Variants in CTNND1 observed in about 807,000 individuals in gnomAD.
The protein encoded by CTNND1 is catenin delta-1.
In CTNND1, 16 loss-of-function variants were observed where a neutral mutation model predicts 112.1. That is an observed-to-expected ratio of 0.14 (90% confidence interval 0.10 to 0.22). CTNND1 has a LOEUF of 0.22. Among genes scored for constraint, CTNND1 ranks in the 10% least tolerant of loss-of-function variants. The probability of loss-of-function intolerance (pLI) is 1.00; values close to 1 mark genes in which losing one functional copy is unlikely to be tolerated. For synonymous variants in CTNND1, 420 were observed against 446.5 expected, an observed-to-expected ratio of 0.94 and a Z score of 0.75; for missense variants, 1,008 against 1,257.0, an observed-to-expected ratio of 0.80 and a Z score of 3.00.
chr11:57,815,809 A>G, intron 19 of CTNND1, 106 bp from the exon 20 acceptor site: 3 of 943,556 alleles, frequency 3.2e-6, no homozygotes, highest in African/African-American at 1.7e-5. Context: ...TTACTATTAT[A>G]TCTTGTTTTG....
At chr11:57,812,980 G>A (rs563632302) in intron 17 of CTNND1, among the ~76,000 whole-genome samples, 7 of 152,292 alleles carry the variant, frequency 4.6e-5, no homozygotes, top group Admixed American at 1.3e-4. Flanking sequence ...AGTGGAAATT[G>A]TAGTTTTGAA....
At chr11:57,794,138 C>A in intron 4 of CTNND1, 57 bp downstream of exon 4, 2 of 1,463,684 alleles carry the variant, frequency 1.4e-6, no homozygotes, top group South Asian at 1.1e-5. Flanking sequence ...ATTTCCCCAG[C>A]CTATAAGAGC....
chr11:57,783,475 CG>C (rs1565304783), intron 1 of CTNND1, among the ~76,000 whole-genome samples: 1 of 151,854 alleles, frequency 6.6e-6, no homozygotes, highest in East Asian at 1.9e-4. Flanking sequence ...CTGGCTAACA[CG>C]GTGAAACCCC....
intron 7 of CTNND1, among the ~76,000 whole-genome samples, chr11:57,802,464 A>T (rs2062100316): frequency 6.6e-6 from 1 of 152,166 alleles, no homozygotes; most frequent in South Asian, 2.1e-4. Context: ...TTAACAATGG[A>T]TCTCTTTTCT....
At chr11:57,785,906 G>A (rs2060081343) in intron 1 of CTNND1, among the ~76,000 whole-genome samples, 1 of 151,910 alleles carries the variant, frequency 6.6e-6, no homozygotes, top group Non-Finnish European at 1.5e-5. Flanking sequence ...TAGTTGTTTG[G>A]TCCTTCTGGG....
At chr11:57,791,811 G>C (rs1196128166) in intron 3 of CTNND1, 138 bp downstream of exon 3, 2 of 928,622 alleles carry the variant, frequency 2.2e-6, no homozygotes, top group East Asian at 3.2e-5. Flanking sequence ...TTTTCCAGGG[G>C]TGTTAAATGC....
chr11:57,784,990 A>G lies in CTNND1; in HGVS notation c.-213-4047A>G, dbSNP rs1455709848. Among the ~76,000 whole-genome samples, 3 of 152,312 alleles carry G rather than the reference A, an allele frequency of 2.0e-5. No homozygotes were observed. In the East Asian group the frequency reaches 5.8e-4, roughly 29 times the overall value. Reference sequence around the variant, plus strand: ...AACTAAACCATGAAGAGTAATAGAAATGGAAGCTTACAGGGGTTATAACTT... The same window carrying G: ...AACTAAACCATGAAGAGTAATAGAAGTGGAAGCTTACAGGGGTTATAACTT... On this transcript the variant is annotated intron_variant, in intron 1 of 20. Coordinates refer to ENST00000399050, the MANE Select transcript of CTNND1 (RefSeq NM_001085458.2).
chr11:57,801,771 A>G lies in CTNND1; in HGVS notation c.995A>G (p.Asp332Gly), dbSNP rs1457571438. The change falls in exon 7 of 21, where the codon GAT becomes GGT. Residue 332 changes from aspartate (D) to glycine (G), a missense_variant. Around this residue, in one of 5 missense-constraint regions of CTNND1, gnomAD observed 216 missense variants for 342.8 expected, o/e 0.63. Coordinates refer to ENST00000399050, the MANE Select transcript of CTNND1 (RefSeq NM_001085458.2). ...EDMIGEEVPS[D>G]QYYWAPLAQH... ...ATGATTGGTGAGGAGGTGCCATCGGATCAATACTACTGGGCTCCTTTGGCC... is the reference window on the plus strand; with the variant it reads ...ATGATTGGTGAGGAGGTGCCATCGGGTCAATACTACTGGGCTCCTTTGGCC... The G allele has an allele frequency of 1.9e-6, 3 of 1,613,772 alleles. No individual in the cohort carries two copies. The East Asian group carries it at 6.7e-5, about 36-fold the overall frequency.
intron 1 of CTNND1, among the ~76,000 whole-genome samples, chr11:57,775,020 G>GTT (rs776805174): frequency 2.2e-5 from 3 of 138,660 alleles, no homozygotes; most frequent in Non-Finnish European, 3.1e-5. Context: ...GCCTATGAGG[G>GTT]TTTTTTTTTT....
At position 57,809,377 on chromosome 11, in the gene CTNND1, C is replaced by A; in HGVS notation, c.2346C>A (p.Ile782=). The A allele has an allele frequency of 6.2e-7, 1 of 1,614,028 alleles. No homozygotes were observed. The highest frequency in any genetic ancestry group is 8.5e-7 in the Non-Finnish European group (1 of 1,179,886). ...CTGTCATCTCTATTTTGAACACTAT[C>A]AACGAGGTTATCGCTGAGAACTTGG... is the stretch of plus-strand genomic sequence containing the variant. The part of the protein sequence containing the change: ...EDTVISILNT[I]NEVIAENLEA... Residue 782 remains isoleucine (I), a synonymous_variant, in exon 15 of 21, where the codon ATC becomes ATA. Coordinates refer to ENST00000399050, the MANE Select transcript of CTNND1 (RefSeq NM_001085458.2).
At chr11:57,780,884 A>G (rs935696861) in intron 1 of CTNND1, among the ~76,000 whole-genome samples, 1 of 152,206 alleles carries the variant, frequency 6.6e-6, no homozygotes, top group African/African-American at 2.4e-5. Context: ...AATGATGGGC[A>G]AAGAGGTGGG....
rs11570176 is a variant in CTNND1, at chr11:57,761,957, A to G, written c.-376A>G. On this transcript the variant is annotated 5_prime_UTR_variant, in exon 1 of 21. Coordinates refer to ENST00000399050, the MANE Select transcript of CTNND1 (RefSeq NM_001085458.2). ...AGGAGGAAGAGGTGGCGAAAAATCAACTGCCCTGCTGGATTTGTCTTTCTC... is the reference window on the plus strand; with the variant it reads ...AGGAGGAAGAGGTGGCGAAAAATCAGCTGCCCTGCTGGATTTGTCTTTCTC... The G allele has an allele frequency of 0.41, 406,759 of 985,270 alleles. 86,053 individuals are homozygous for G. Among genetic ancestry groups the G allele is most frequent in the Middle Eastern group, 0.45 (855 of 1,912 alleles). 61.0% of individuals were successfully genotyped at this position (985,270 alleles called of 1,614,324 possible).
intron 1 of CTNND1, among the ~76,000 whole-genome samples, chr11:57,764,393 A>G (rs181678318): frequency 5.2e-4 from 79 of 152,310 alleles, no homozygotes; most frequent in African/African-American, 1.9e-3. Flanking sequence ...AGTAATTACA[A>G]TCCAGCCTTA....
chr11:57,775,422 C>T (rs1280602789), intron 1 of CTNND1, among the ~76,000 whole-genome samples: 1 of 151,508 alleles, frequency 6.6e-6, no homozygotes, highest in Non-Finnish European at 1.5e-5. Flanking sequence ...ACGAGAAGGT[C>T]GTTAATTTGA....
rs756027675 is a variant in CTNND1, at chr11:57,805,995, G to T, written c.1836G>T (p.Gly612=). ...CTCCCAATGTTGCCAACAATACTGG[G>T]CCACATGCTGCCAGTTGCTTTGGGG... ...EAAPNVANNT[G]PHAASCFGAK... is the part of the protein sequence containing the mutation. Residue 612 remains glycine (G), a synonymous_variant, in exon 10 of 21, where the codon GGG becomes GGT. Coordinates refer to ENST00000399050, the MANE Select transcript of CTNND1 (RefSeq NM_001085458.2). 2 of 1,611,824 alleles carry T rather than the reference G, an allele frequency of 1.2e-6. No homozygotes were observed.
At chr11:57,803,540 C>T (rs923053941) in intron 7 of CTNND1, 81 bp from the exon 8 acceptor site, 116 of 1,110,044 alleles carry the variant, frequency 1.0e-4, no homozygotes, top group Non-Finnish European at 1.3e-4. Context: ...AGAAGTGATA[C>T]GATAGGGGGA....
intron 4 of CTNND1, among the ~76,000 whole-genome samples, chr11:57,795,150 T>C (rs1296106459): frequency 1.3e-5 from 2 of 152,224 alleles, no homozygotes; most frequent in Non-Finnish European, 2.9e-5. Flanking sequence ...GCTATGATCA[T>C]GCCACTGCAC....
At position 57,761,982 on chromosome 11, in the gene CTNND1, C is replaced by G; in HGVS notation, c.-351C>G. The G allele has an allele frequency of 1.0e-6, 1 of 985,460 alleles. No individual in the cohort carries two copies. Among genetic ancestry groups the G allele is most frequent in the Non-Finnish European group, 1.2e-6 (1 of 829,944 alleles). The allele number at this position is 985,460 out of a possible 1,614,324, so 61.0% of individuals were successfully genotyped here. ...ACTGCCCTGCTGGATTTGTCTTTCT[C>G]AGCACCTTGGCGAAGCCTTGGGTTT... On this transcript the variant is annotated 5_prime_UTR_variant, in exon 1 of 21. Coordinates refer to ENST00000399050, the MANE Select transcript of CTNND1 (RefSeq NM_001085458.2).
rs1347106390 is a variant in CTNND1 at position 57,815,447 on chromosome 11, C to T, written c.2755C>T (p.Arg919Ter). The change falls in exon 19 of 21, where the codon CGA (arginine) becomes TGA (stop). Residue 919 changes from arginine to a stop codon, truncating the protein, a stop_gained. Coordinates refer to ENST00000399050, the MANE Select transcript of CTNND1 (RefSeq NM_001085458.2). LOFTEE classifies it high-confidence loss of function. ...AGGAGACCACAATAGAACACTGGAT[C>T]GATCGGGGGATCTAGGCGACATGGA... is the stretch of plus-strand genomic sequence containing the variant. ...ERGDHNRTLDRSGDLGDMEPL... is the reference protein window; with the variant it reads ...ERGDHNRTLD The T allele has an allele frequency of 1.2e-6, 2 of 1,612,344 alleles. No individual in the cohort carries two copies. The highest frequency in any genetic ancestry group is 8.5e-7 in the Non-Finnish European group (1 of 1,179,250).
Sources: allele counts gnomAD v4.1 joint callset (sites outside exome capture counted in the v4.1 genomes callset), GRCh38; gene constraint gnomAD v4.1.1; regional missense constraint gnomAD v4.1.1; transcripts MANE v1.5; gene names NCBI Gene and HGNC (gene_info 2026-07-23, HGNC 2026-07-21).